Variants in ITGB5 observed in about 807,000 individuals in gnomAD.
The protein encoded by ITGB5 is integrin beta-5.
In ITGB5, 38 loss-of-function variants were observed where a neutral mutation model predicts 84.8. The observed-to-expected ratio is 0.45, with a 90% CI of 0.35 to 0.59. The LOEUF is 0.59. Ranked by LOEUF, ITGB5 falls within the 20% of genes least tolerant of loss-of-function variation. ITGB5 has a pLI of 0.01. For missense variants in ITGB5, 905 were observed against 1,034.5 expected (o/e 0.87, Z 1.72); for synonymous variants, 393 against 414.4 (o/e 0.95, Z 0.63).
intron 11 of ITGB5, among the ~76,000 whole-genome samples, chr3:124,772,138 G>A (rs1028745977): frequency 6.6e-6 from 1 of 152,182 alleles, no homozygotes; most frequent in Non-Finnish European, 1.5e-5. Context: ...TGCTGGGATG[G>A]CCACAGCTAT....
chr3:124,765,384 C>T (rs2063751681), intron 13 of ITGB5, among the ~76,000 whole-genome samples: 1 of 152,204 alleles, frequency 6.6e-6, no homozygotes, highest in African/African-American at 2.4e-5. Context: ...GAACCCAGTG[C>T]TCCGTTGTCC....
In ITGB5 at chr3:124,873,542, A is replaced by C. The variant is rs749876549; in HGVS notation, c.71-11T>G. On this transcript the variant is annotated splice_polypyrimidine_tract_variant and intron_variant, in intron 1 of 14. Transcript: ENST00000296181. ...TGCATATGTTGAGACCTTTAAAGCA[A>C]GATAAAGATGCACTAATTAGTTCCT... 8.2e-6 allele frequency: 13 copies of C among 1,593,088 alleles called. No individual in the cohort carries two copies. Among genetic ancestry groups the C allele is most frequent in the Non-Finnish European group, 1.1e-5 (13 of 1,160,892 alleles).
intron 10 of ITGB5, among the ~76,000 whole-genome samples, chr3:124,783,519 TG>T (rs2064036500): frequency 6.6e-6 from 1 of 152,186 alleles, no homozygotes; most frequent in Non-Finnish European, 1.5e-5. Context: ...GTGTCAGGCG[TG>T]TAGAAGATGC....
chr3:124,849,320 C>T (rs189719346), intron 3 of ITGB5, among the ~76,000 whole-genome samples: 1 of 152,148 alleles, frequency 6.6e-6, no homozygotes, highest in East Asian at 1.9e-4. Context: ...GGGGTGTGGG[C>T]CTGAGTGGGG....
At chr3:124,886,646 G>C (rs1373715210) in intron 1 of ITGB5, among the ~76,000 whole-genome samples, 1 of 152,018 alleles carries the variant, frequency 6.6e-6, no homozygotes, top group Non-Finnish European at 1.5e-5. Flanking sequence ...CGTGCCCTGG[G>C]CGCGGGCCCT....
intron 3 of ITGB5, 34 bp from the exon 4 acceptor site, chr3:124,848,592 T>C (rs2065109721): frequency 2.5e-6 from 4 of 1,590,594 alleles, no homozygotes; most frequent in Non-Finnish European, 3.4e-6. Flanking sequence ...GTGTTAGAGG[T>C]TGTGCAACCT....
At chr3:124,893,928 G>T (rs1232970259) in intron 1 of ITGB5, among the ~76,000 whole-genome samples, 1 of 152,028 alleles carries the variant, frequency 6.6e-6, no homozygotes, top group Admixed American at 6.6e-5. Flanking sequence ...TTTCTCTGAC[G>T]CTGTTAAGAA....
chr3:124,864,710 C>A (rs1010559416), intron 2 of ITGB5, among the ~76,000 whole-genome samples: 1 of 151,876 alleles, frequency 6.6e-6, no homozygotes, highest in Admixed American at 6.6e-5. Flanking sequence ...ATATAACAAA[C>A]CTGCACATAT....
chr3:124,808,963 A>G, intron 9 of ITGB5, 59 bp downstream of exon 9: 1 of 1,558,244 alleles, frequency 6.4e-7, no homozygotes, highest in Non-Finnish European at 8.7e-7. Flanking sequence ...AGTTATTAGA[A>G]CCCAAAGACT....
chr3:124,861,495 T>TATATATATATATATACACAC (rs750712591), intron 2 of ITGB5, among the ~76,000 whole-genome samples: 5 of 111,984 alleles, frequency 4.5e-5, no homozygotes, highest in African/African-American at 1.5e-4. Flanking sequence ...TATATATATA[T>TATATATATATATATACACAC]ACACACACAC....
At chr3:124,773,512 C>A (rs956181241) in intron 11 of ITGB5, among the ~76,000 whole-genome samples, 178 bp downstream of exon 11, 1 of 152,216 alleles carries the variant, frequency 6.6e-6, no homozygotes, top group African/African-American at 2.4e-5. Context: ...ATGGAACCAG[C>A]ATTTGAAAGC....
chr3:124,881,203 C>T (rs1005902836), intron 1 of ITGB5, among the ~76,000 whole-genome samples: 16 of 151,976 alleles, frequency 1.1e-4, no homozygotes, highest in Admixed American at 6.5e-5. Flanking sequence ...AGGGTGGTCT[C>T]GAACTCCTGA....
intron 4 of ITGB5, among the ~76,000 whole-genome samples, chr3:124,847,724 G>A (rs904408350): frequency 2.0e-5 from 3 of 152,114 alleles, no homozygotes; most frequent in Admixed American, 6.6e-5. Context: ...CTTCCAGCAA[G>A]TTTGAGCCAT....
intron 3 of ITGB5, among the ~76,000 whole-genome samples, chr3:124,857,788 G>A (rs1482978694): frequency 6.6e-6 from 1 of 152,094 alleles, no homozygotes; most frequent in Admixed American, 6.5e-5. Flanking sequence ...GGGCTGAATC[G>A]ATTCACCACT....
chr3:124,819,944 C>G, intron 6 of ITGB5, 110 bp from the exon 7 acceptor site: 1 of 811,100 alleles, frequency 1.2e-6, no homozygotes, highest in Non-Finnish European at 2.2e-6. Context: ...AGCACCTTTT[C>G]CTTAGGTGGC....
At chr3:124,860,305 A>G (rs188583033) in intron 2 of ITGB5, among the ~76,000 whole-genome samples, 50 of 152,362 alleles carry the variant, frequency 3.3e-4, no homozygotes, top group Non-Finnish European at 6.6e-4. Context: ...GGGAATTAAG[A>G]AGAAATTTAA....
chr3:124,783,916 T>C (rs975307687), intron 10 of ITGB5, among the ~76,000 whole-genome samples: 4 of 152,210 alleles, frequency 2.6e-5, no homozygotes, highest in African/African-American at 7.2e-5. Flanking sequence ...CGCGGCATAT[T>C]GTTAACAAAC....
intron 3 of ITGB5, chr3:124,857,252 T>C (rs2065232838): frequency 6.6e-6 from 1 of 152,246 alleles, no homozygotes; most frequent in Non-Finnish European, 1.5e-5. Flanking sequence ...ACTGTGTTAA[T>C]CCATTTCCAA....
chr3:124,870,806 T>C (rs1579322694), intron 2 of ITGB5, among the ~76,000 whole-genome samples: 1 of 144,206 alleles, frequency 6.9e-6, no homozygotes, highest in South Asian at 2.1e-4. Flanking sequence ...AATAGACAGA[T>C]GGATGGATGG....
Sources: allele counts gnomAD v4.1 joint callset (sites outside exome capture counted in the v4.1 genomes callset), GRCh38; gene constraint gnomAD v4.1.1; transcripts MANE v1.5; gene names NCBI Gene and HGNC (gene_info 2026-07-23, HGNC 2026-07-21).